ELP4: variants seen among roughly 807,000 people sequenced by gnomAD.
ELP4 encodes elongator complex protein 4.
In ELP4, 51 loss-of-function variants were observed where a neutral mutation model predicts 48.9. The observed-to-expected ratio is 1.04, with a 90% CI of 0.83 to 1.32. ELP4 has a LOEUF of 1.32. Among genes scored for constraint, ELP4 ranks in the 40% most tolerant of loss-of-function variants. The pLI, the probability that ELP4 is intolerant of heterozygous loss-of-function variation, is 0.00. For synonymous variants in ELP4, 210 were observed against 189.2 expected (o/e 1.11, Z -0.90); for missense variants, 519 against 514.6 (o/e 1.01, Z -0.08).
At chr11:31,689,712 CTG>C (rs1946235128) in intron 9 of ELP4, among the ~76,000 whole-genome samples, 1 of 152,164 alleles carries the variant, frequency 6.6e-6, no homozygotes. Context: ...GAATGAGGCT[CTG>C]TAGTTCAACA....
intron 2 of ELP4, among the ~76,000 whole-genome samples, chr11:31,523,272 A>G (rs1316511661): frequency 6.6e-6 from 1 of 152,196 alleles, no homozygotes; most frequent in East Asian, 1.9e-4. Flanking sequence ...ATAAAAATAC[A>G]AGGATTTTAG....
chr11:31,768,746 A>G (rs1490934249), intron 9 of ELP4, among the ~76,000 whole-genome samples: 1 of 152,222 alleles, frequency 6.6e-6, no homozygotes, highest in Non-Finnish European at 1.5e-5. Context: ...AAACCATTAA[A>G]GTGTGCCTAT....
At chr11:31,516,688 T>A (rs942496097) in intron 1 of ELP4, among the ~76,000 whole-genome samples, 5 of 152,168 alleles carry the variant, frequency 3.3e-5, no homozygotes, top group Non-Finnish European at 7.3e-5. Context: ...GATGGAGTTT[T>A]GCCATTTTGT....
At chr11:31,618,641 A>G (rs1016355557) in intron 5 of ELP4, among the ~76,000 whole-genome samples, 5 of 152,118 alleles carry the variant, frequency 3.3e-5, no homozygotes, top group Non-Finnish European at 7.4e-5. Context: ...TTCATAAAAG[A>G]CAACATATTA....
At chr11:31,619,731 A>G (rs557075484) in intron 5 of ELP4, among the ~76,000 whole-genome samples, 1 of 151,130 alleles carries the variant, frequency 6.6e-6, no homozygotes, top group Admixed American at 6.6e-5. Context: ...AACTTGTGTC[A>G]TGGGGGTTTG....
intron 9 of ELP4, among the ~76,000 whole-genome samples, chr11:31,782,052 A>G (rs189824506): frequency 6.6e-4 from 101 of 152,290 alleles, no homozygotes; most frequent in African/African-American, 2.0e-3. Flanking sequence ...CCTTTCTGAC[A>G]TCTTCCTTGA....
At chr11:31,752,092 T>G (rs1448043564) in intron 9 of ELP4, among the ~76,000 whole-genome samples, 1 of 152,186 alleles carries the variant, frequency 6.6e-6, no homozygotes, top group Non-Finnish European at 1.5e-5. Flanking sequence ...AGTCTCACTA[T>G]TGCAGATAGA....
At chr11:31,549,921 G>C (rs186713349) in intron 3 of ELP4, among the ~76,000 whole-genome samples, 1 of 152,092 alleles carries the variant, frequency 6.6e-6, no homozygotes. Flanking sequence ...TCACTCATAG[G>C]TGGGAATTGA....
chr11:31,616,914 T>TA (rs1283178209), intron 5 of ELP4, among the ~76,000 whole-genome samples: 1 of 151,788 alleles, frequency 6.6e-6, no homozygotes, highest in Non-Finnish European at 1.5e-5. Flanking sequence ...AAGGAAAAAG[T>TA]AAAAAAGAAC....
chr11:31,738,420 AT>A (rs1166467498), intron 9 of ELP4, among the ~76,000 whole-genome samples: 1 of 151,690 alleles, frequency 6.6e-6, no homozygotes, highest in African/African-American at 2.4e-5. Flanking sequence ...TCAAAAAAAA[AT>A]AAATGAATAA....
Position 31,738,411 on chromosome 11 carries a change from C to CA in ELP4, c.1144-44973dup, listed in dbSNP as rs761260359. Among the ~76,000 whole-genome samples the CA allele has an allele frequency of 4.0e-3, 596 of 147,822 alleles. 4 individuals carry two copies. The highest frequency in any genetic ancestry group is 6.5e-3 in the Non-Finnish European group (435 of 66,896). Reference sequence around the variant, plus strand: ...TGGGGAACAGAGTGAGATCCTGTCTCAAAAAAAAATAAATGAATAAATAAA... The same window carrying CA: ...TGGGGAACAGAGTGAGATCCTGTCTCAAAAAAAAAATAAATGAATAAATAAA... On this transcript the variant is annotated intron_variant, in intron 9 of 9. Transcript: ENST00000640961.
chr11:31,766,737 T>A (rs966628160), intron 9 of ELP4, among the ~76,000 whole-genome samples: 2 of 152,056 alleles, frequency 1.3e-5, no homozygotes, highest in African/African-American at 4.8e-5. Flanking sequence ...TGAAGATGCC[T>A]GTTATAATTT....
chr11:31,674,144 G>A (rs531472221), intron 9 of ELP4, among the ~76,000 whole-genome samples: 1 of 152,260 alleles, frequency 6.6e-6, no homozygotes, highest in South Asian at 2.1e-4. Context: ...GAGAAATTAG[G>A]ATCATTGGTA....
chr11:31,548,656 A>G (rs1287629865), intron 3 of ELP4, among the ~76,000 whole-genome samples: 9 of 152,162 alleles, frequency 5.9e-5, no homozygotes, highest in Non-Finnish European at 1.3e-4. Context: ...ATATGGAACC[A>G]AAAAAGAGCC....
chr11:31,640,625 AG>A (rs1197571539), intron 7 of ELP4, among the ~76,000 whole-genome samples: 4 of 151,992 alleles, frequency 2.6e-5, no homozygotes, highest in African/African-American at 9.7e-5. Context: ...AGATTAAATT[AG>A]GCTTGTAACC....
At chr11:31,557,267 A>C (rs1437901666) in intron 3 of ELP4, among the ~76,000 whole-genome samples, 1 of 151,914 alleles carries the variant, frequency 6.6e-6, no homozygotes, top group African/African-American at 2.4e-5. Flanking sequence ...GACTTACCCA[A>C]ATATTGAACT....
At chr11:31,688,225 T>A (rs1233793915) in intron 9 of ELP4, among the ~76,000 whole-genome samples, 1 of 152,194 alleles carries the variant, frequency 6.6e-6, no homozygotes, top group Non-Finnish European at 1.5e-5. Flanking sequence ...AATGGTGTTA[T>A]GCTAATGCTG....
At chr11:31,695,994 C>A (rs771465603) in intron 9 of ELP4, among the ~76,000 whole-genome samples, 13 of 151,938 alleles carry the variant, frequency 8.6e-5, no homozygotes, top group Non-Finnish European at 1.5e-4. Context: ...GTTTGTATTT[C>A]TGTGGCATTC....
At chr11:31,616,452 G>C (rs1253667272) in intron 5 of ELP4, among the ~76,000 whole-genome samples, 1 of 151,932 alleles carries the variant, frequency 6.6e-6, no homozygotes, top group African/African-American at 2.4e-5. Flanking sequence ...CTAAACATAA[G>C]ATTCAAAACT....
Sources: gnomAD v4.1 joint callset for allele counts (sites outside exome capture counted in the v4.1 genomes callset) on GRCh38, gnomAD v4.1.1 for gene constraint, MANE v1.5 for transcripts, NCBI Gene and HGNC (gene_info 2026-07-23, HGNC 2026-07-21) for gene names.